The following THSD7A variants were observed in gnomAD, a reference collection of about 807,000 sequenced individuals.
THSD7A encodes thrombospondin type 1 domain containing 7A.
THSD7A carries 96 observed loss-of-function variants against 231.3 expected under a neutral mutation model. The ratio of observed to expected loss-of-function variants is 0.41; its 90% CI spans 0.35 to 0.49. The LOEUF is 0.49. THSD7A is among the 20% of genes least tolerant of loss of function. The pLI, the probability that THSD7A is intolerant of heterozygous loss-of-function variation, is 0.05. For synonymous variants in THSD7A, 940 were observed against 743.3 expected, an observed-to-expected ratio of 1.26 and a Z score of -4.30; for missense variants, 2,290 against 2,070.2, an observed-to-expected ratio of 1.11 and a Z score of -2.06.
chr7:11,773,081 GTATA>G (rs1783287415), intron 1 of THSD7A, among the ~76,000 whole-genome samples: 1 of 152,086 alleles, frequency 6.6e-6, no homozygotes, highest in South Asian at 2.1e-4. Context: ...TAAGAATTTG[GTATA>G]TAATAAAGGC....
At chr7:11,797,412 C>CTTT (rs59662790) in intron 1 of THSD7A, among the ~76,000 whole-genome samples, 48 of 108,966 alleles carry the variant, frequency 4.4e-4, no homozygotes, top group Non-Finnish European at 5.3e-4. Flanking sequence ...CTGCCTCTCT[C>CTTT]TTTTTTTTTT....
At chr7:11,560,462 C>T (rs1216309381) in intron 4 of THSD7A, among the ~76,000 whole-genome samples, 2 of 151,394 alleles carry the variant, frequency 1.3e-5, no homozygotes, top group South Asian at 2.1e-4. Flanking sequence ...TAAGCAAAAA[C>T]AAGGTCACTG....
At chr7:11,390,226 C>T (rs1319668807) in intron 23 of THSD7A, among the ~76,000 whole-genome samples, 1 of 152,160 alleles carries the variant, frequency 6.6e-6, no homozygotes, top group African/African-American at 2.4e-5. Flanking sequence ...CTCCCCATCA[C>T]TTTCAGGTAC....
At chr7:11,825,957 T>C (rs62435376) in intron 1 of THSD7A, among the ~76,000 whole-genome samples, 4,341 of 152,302 alleles carry the variant, frequency 0.029, 106 homozygotes, top group Middle Eastern at 0.044. Flanking sequence ...CCTGGAATGA[T>C]ATCCCTCTCT....
At chr7:11,669,518 C>T (rs1352076322) in intron 1 of THSD7A, among the ~76,000 whole-genome samples, 1 of 151,578 alleles carries the variant, frequency 6.6e-6, no homozygotes, top group Non-Finnish European at 1.5e-5. Context: ...GAAGAGAATT[C>T]CAATAAAGGA....
At chr7:11,545,464 C>A (rs1241204395) in intron 4 of THSD7A, among the ~76,000 whole-genome samples, 1 of 152,080 alleles carries the variant, frequency 6.6e-6, no homozygotes, top group Non-Finnish European at 1.5e-5. Flanking sequence ...CTTCTCCCAC[C>A]AAGTGACCAG....
chr7:11,792,730 TA>T (rs1303667320), intron 1 of THSD7A, among the ~76,000 whole-genome samples: 3 of 151,812 alleles, frequency 2.0e-5, no homozygotes, highest in African/African-American at 7.3e-5. Context: ...TAAATATATA[TA>T]TATGTCCACT....
chr7:11,674,906 T>A (rs1417872332), intron 1 of THSD7A, among the ~76,000 whole-genome samples: 1 of 151,998 alleles, frequency 6.6e-6, no homozygotes. Context: ...CCTAATCCAA[T>A]GAAGCCATAA....
At chr7:11,391,813 GTTCACAGTCT>G (rs1782993168) in intron 23 of THSD7A, among the ~76,000 whole-genome samples, 1 of 152,038 alleles carries the variant, frequency 6.6e-6, no homozygotes, top group African/African-American at 2.4e-5. Context: ...GGAGTACACC[GTTCACAGTCT>G]TTCACAGCTT....
intron 1 of THSD7A, among the ~76,000 whole-genome samples, chr7:11,689,811 T>TA (rs35668623): frequency 0.22 from 28,808 of 129,430 alleles, 3,075 homozygotes; most frequent in Non-Finnish European, 0.25. Flanking sequence ...TGGAATTAGT[T>TA]AAAAAAAAAA....
At chr7:11,747,747 A>G (rs913126238) in intron 1 of THSD7A, among the ~76,000 whole-genome samples, 2 of 151,876 alleles carry the variant, frequency 1.3e-5, no homozygotes, top group Non-Finnish European at 2.9e-5. Flanking sequence ...CAAAACCTGG[A>G]GAGTTTAATT....
intron 1 of THSD7A, among the ~76,000 whole-genome samples, chr7:11,725,872 ATTG>A (rs1446163343): frequency 2.0e-5 from 3 of 152,000 alleles, no homozygotes; most frequent in Non-Finnish European, 4.4e-5. Context: ...AATCTATAAA[ATTG>A]GGATAATAAT....
chr7:11,624,434 C>T (rs1266962764), intron 2 of THSD7A, among the ~76,000 whole-genome samples: 1 of 152,102 alleles, frequency 6.6e-6, no homozygotes, highest in Non-Finnish European at 1.5e-5. Flanking sequence ...TAATTCAAGT[C>T]ATACCAGCAT....
intron 1 of THSD7A, among the ~76,000 whole-genome samples, chr7:11,690,430 C>T (rs1221965268): frequency 1.3e-5 from 2 of 151,722 alleles, no homozygotes; most frequent in African/African-American, 4.8e-5. Flanking sequence ...TTTCCTGAAA[C>T]CTAAGTCTGA....
At chr7:11,451,273 C>T (rs1209972719) in intron 11 of THSD7A, among the ~76,000 whole-genome samples, 2 of 151,928 alleles carry the variant, frequency 1.3e-5, no homozygotes, top group Non-Finnish European at 2.9e-5. Context: ...ACAAACTATG[C>T]ATAAACATTT....
chr7:11,567,464 G>C (rs910280026), intron 4 of THSD7A, among the ~76,000 whole-genome samples: 3 of 152,144 alleles, frequency 2.0e-5, no homozygotes, highest in African/African-American at 7.2e-5. Flanking sequence ...TGAGATTTAG[G>C]TGGGGACACG....
intron 1 of THSD7A, among the ~76,000 whole-genome samples, chr7:11,711,850 G>A (rs376751433): frequency 6.6e-6 from 1 of 151,064 alleles, no homozygotes; most frequent in African/African-American, 2.4e-5. Context: ...TACCATCTTT[G>A]CATCCATATA....
intron 1 of THSD7A, among the ~76,000 whole-genome samples, chr7:11,752,672 T>G (rs1782540909): frequency 1.3e-5 from 2 of 151,984 alleles, no homozygotes; most frequent in Admixed American, 1.3e-4. Context: ...TCCCAACACT[T>G]TGTGAGGCCA....
At chr7:11,675,255 A>G (rs1783589599) in intron 1 of THSD7A, among the ~76,000 whole-genome samples, 1 of 152,080 alleles carries the variant, frequency 6.6e-6, no homozygotes, top group African/African-American at 2.4e-5. Flanking sequence ...TGCTTTTACC[A>G]TGGTCTTCAC....
Sources: gnomAD v4.1 joint callset for allele counts (sites outside exome capture counted in the v4.1 genomes callset) on GRCh38, gnomAD v4.1.1 for gene constraint, MANE v1.5 for transcripts, NCBI Gene and HGNC (gene_info 2026-07-23, HGNC 2026-07-21) for gene names.